VCPIP1: variants seen among roughly 807,000 people sequenced by gnomAD.
VCPIP1 encodes deubiquitinating protein VCPIP1.
A neutral mutation model predicts 85.0 loss-of-function variants in VCPIP1; 8 were observed. That is an observed-to-expected ratio of 0.09 (90% CI 0.06 to 0.17). The LOEUF (loss-of-function observed/expected upper bound fraction) is 0.17, where lower values mean the gene tolerates loss of function less well. VCPIP1 is among the 10% of genes least tolerant of loss of function. The probability of loss-of-function intolerance (pLI) is 1.00; values close to 1 mark genes in which losing one functional copy is unlikely to be tolerated. For missense variants in VCPIP1, 1,070 were observed against 1,486.3 expected (o/e 0.72, Z 4.61); for synonymous variants, 543 against 544.5 (o/e 1.00, Z 0.04).
chr8:66,641,800 C>T (rs988175952), intron 2 of VCPIP1, among the ~76,000 whole-genome samples: 1 of 152,202 alleles, frequency 6.6e-6, no homozygotes, highest in African/African-American at 2.4e-5. Context: ...AATAATATTT[C>T]ACTGTATGGC....
Position 66,667,177 on chromosome 8 carries a change from A to ACCACC in VCPIP1, c.-224_-220dup, listed in dbSNP as rs1486759992. 1.1e-6 allele frequency: 1 copy of ACCACC among 950,092 alleles called. No homozygotes were observed. The highest frequency in any genetic ancestry group is 1.7e-5 in the African/African-American group (1 of 60,562). The allele number at this position is 950,092 out of a possible 1,614,324, so 58.9% of individuals were successfully genotyped here. ...AGCCGTTGCCCCGAACGTAACGGCCACCACCCCACCCCGCACTCACACTCA... is the reference window on the plus strand; with the variant it reads ...AGCCGTTGCCCCGAACGTAACGGCCACCACCCCACCCCACCCCGCACTCACACTCA... On this transcript the variant is annotated 5_prime_UTR_variant, in exon 1 of 3. Transcript: ENST00000310421.
intron 2 of VCPIP1, among the ~76,000 whole-genome samples, chr8:66,645,808 G>C (rs1188209311): frequency 6.6e-6 from 1 of 150,726 alleles, no homozygotes. Flanking sequence ...GTGCGCACCT[G>C]TAGTCCCTGC....
Position 66,664,620 on chromosome 8 carries a change from G to T in VCPIP1, c.2339C>A (p.Thr780Lys). 1 of 1,614,104 alleles carries T rather than the reference G, an allele frequency of 6.2e-7. No individual in the cohort carries two copies. Among genetic ancestry groups the T allele is most frequent in the Non-Finnish European group, 8.5e-7 (1 of 1,179,988 alleles). Residue 780 changes from threonine (T) to lysine (K), a missense_variant, in exon 1 of 3, where the codon ACA becomes AAA. This residue lies in a region of VCPIP1 where 278 missense variants were observed against 298.5 expected (regional missense o/e 0.93). Coordinates refer to ENST00000310421, the MANE Select transcript of VCPIP1 (RefSeq NM_025054.5). The part of the protein sequence containing the change: ...TTSKEKKIRI[T>K]TNDGRQSMVT... ...CATGGACTGTCGTCCATCATTAGTT[G>T]TGATTCGGATCTTCTTCTCCTTAGA...
At position 66,635,381 on chromosome 8, in the gene VCPIP1, G is replaced by C. The variant is rs780127903; in HGVS notation, c.2798-9C>G. ...CTTGCCATCAGCCATACCTAAAAAG[G>C]GGAAAAGATATTTAACATATTAAAA... On this transcript the variant is annotated splice_polypyrimidine_tract_variant and intron_variant, in intron 2 of 2. Transcript: ENST00000310421. 1 of 1,590,296 alleles carries C rather than the reference G, an allele frequency of 6.3e-7. No homozygotes were observed. The highest frequency in any genetic ancestry group is 8.5e-7 in the Non-Finnish European group (1 of 1,170,640).
Position 66,666,498 on chromosome 8 carries a change from T to A in VCPIP1, c.461A>T (p.Gln154Leu). The A allele has an allele frequency of 6.2e-7, 1 of 1,614,204 alleles. No homozygotes were observed. Among genetic ancestry groups the A allele is most frequent in the Non-Finnish European group, 8.5e-7 (1 of 1,180,022 alleles). Residue 154 changes from glutamine to leucine, a missense_variant, in exon 1 of 3, where the codon CAG (glutamine) becomes CTG (leucine). Around this residue, in one of 8 missense-constraint regions of VCPIP1, gnomAD observed 118 missense variants for 337.1 expected, o/e 0.35. Coordinates refer to ENST00000310421, the MANE Select transcript of VCPIP1 (RefSeq NM_025054.5). This position sits in a 1 kb window ranked among gnomAD's most constrained non-coding sequence, Gnocchi z 6.3. ...GRAKLLRDMN[Q>L]GELFDCALLG... is the part of the protein sequence containing the mutation. ...TAAGGCGCAATCGAACAGTTCGCCC[T>A]GGTTCATGTCCCGGAGAAGCTTGGC...
chr8:66,648,965 G>A (rs764090246), intron 2 of VCPIP1, among the ~76,000 whole-genome samples: 1 of 152,058 alleles, frequency 6.6e-6, no homozygotes, highest in Non-Finnish European at 1.5e-5. Context: ...TTCAAGACAA[G>A]CCTAGGCAAC....
chr8:66,635,457 G>C, intron 2 of VCPIP1, 85 bp from the exon 3 acceptor site: 2 of 1,279,342 alleles, frequency 1.6e-6, no homozygotes, highest in Non-Finnish European at 1.0e-6. Context: ...TTAAAATAAT[G>C]AATTTTAAAT....
Position 66,664,981 on chromosome 8 carries a change from G to T in VCPIP1, c.1978C>A (p.Pro660Thr). Residue 660 changes from proline (P) to threonine (T), a missense_variant, in exon 1 of 3, where the codon CCC becomes ACC. This residue lies in a region of VCPIP1 where 278 missense variants were observed against 298.5 expected (regional missense o/e 0.93). Coordinates refer to ENST00000310421, the MANE Select transcript of VCPIP1 (RefSeq NM_025054.5). ...ATATTTACAGGAGTATAATCATCGG[G>T]ATTCTTTTTGGCAGTCTGATGCAAT... ...TILHQTAKKN[P>T]DDYTPVNIDG... 1 of 1,613,414 alleles carries T rather than the reference G, an allele frequency of 6.2e-7. No homozygotes were observed. The highest frequency in any genetic ancestry group is 8.5e-7 in the Non-Finnish European group (1 of 1,179,556).
chr8:66,663,947 T>C (rs1422720646), intron 1 of VCPIP1, among the ~76,000 whole-genome samples: 3 of 152,126 alleles, frequency 2.0e-5, no homozygotes, highest in Non-Finnish European at 4.4e-5. Flanking sequence ...TACCAAAAAA[T>C]TTAAAACGCT....
chr8:66,652,861 A>G (rs1031164756), intron 1 of VCPIP1, among the ~76,000 whole-genome samples: 3 of 152,216 alleles, frequency 2.0e-5, no homozygotes, highest in African/African-American at 7.2e-5. Flanking sequence ...TAATGTATAC[A>G]TACTACTTTT....
chr8:66,655,215 C>T (rs1811088133), intron 1 of VCPIP1, among the ~76,000 whole-genome samples: 1 of 152,180 alleles, frequency 6.6e-6, no homozygotes, highest in Non-Finnish European at 1.5e-5. Flanking sequence ...AGGTCAGTGG[C>T]CTATCTGACT....
chr8:66,666,996 G>A lies in VCPIP1; in HGVS notation c.-38C>T, dbSNP rs779333589. On this transcript the variant is annotated 5_prime_UTR_variant, in exon 1 of 3. Transcript: ENST00000310421. This position sits in a 1 kb window ranked among gnomAD's most constrained non-coding sequence, Gnocchi z 6.3. ...TCGTGTCTCGCTCCGCGTCCCAGGC[G>A]ACCCTCAAAAGCTCATAGCCCAGAC... 4.7e-6 allele frequency: 7 copies of A among 1,483,344 alleles called. No individual in the cohort carries two copies. The East Asian group carries it at 1.7e-4, about 36-fold the overall frequency. The allele number at this position is 1,483,344 out of a possible 1,614,324, so 91.9% of individuals were successfully genotyped here. A position where few individuals can be genotyped will look rare whatever the true frequency, so the allele number is the denominator to read the frequency against.
At chr8:66,659,915 T>C (rs1187379134) in intron 1 of VCPIP1, among the ~76,000 whole-genome samples, 2 of 151,332 alleles carry the variant, frequency 1.3e-5, no homozygotes, top group Non-Finnish European at 2.9e-5. Flanking sequence ...ACAATCTGTC[T>C]CCAGAAAAAA....
In VCPIP1 at chr8:66,631,018, T is replaced by A. The variant is rs1274948132; in HGVS notation, c.*3483A>T. 1 of 152,182 alleles carries A rather than the reference T, an allele frequency of 6.6e-6. No individual in the cohort carries two copies. Among genetic ancestry groups the A allele is most frequent in the Non-Finnish European group, 1.5e-5 (1 of 67,976 alleles). The allele number at this position is 152,182 out of a possible 1,614,324, so 9.4% of individuals were successfully genotyped here. A position where few individuals can be genotyped will look rare whatever the true frequency, so the allele number is the denominator to read the frequency against. ...GATAACCTTGAATGGTAGGATGCAT[T>A]TACTCAACTTAGAATATGGCGCTAT... On this transcript the variant is annotated 3_prime_UTR_variant, in exon 3 of 3. Transcript: ENST00000310421.
In VCPIP1 at chr8:66,664,178, A is replaced by G. The variant is rs1052277261; in HGVS notation, c.2710+71T>C. On this transcript the variant is annotated intron_variant, in intron 1 of 2. Coordinates refer to ENST00000310421, the MANE Select transcript of VCPIP1 (RefSeq NM_025054.5). Reference sequence around the variant, plus strand: ...AATGGCTACAGATTTCTTTTCCCCCAAAGATAACAGGAAAACTCAGTGTAT... The same window carrying G: ...AATGGCTACAGATTTCTTTTCCCCCGAAGATAACAGGAAAACTCAGTGTAT... 2.1e-6 allele frequency: 3 copies of G among 1,425,552 alleles called. No individual in the cohort carries two copies. The African/African-American group carries it at 4.3e-5, about 20-fold the overall frequency. 88.3% of individuals were successfully genotyped at this position (1,425,552 alleles called of 1,614,324 possible). A position where few individuals can be genotyped will look rare whatever the true frequency, so the allele number is the denominator to read the frequency against.
At chr8:66,647,310 C>G (rs1383960655) in intron 2 of VCPIP1, among the ~76,000 whole-genome samples, 1 of 152,136 alleles carries the variant, frequency 6.6e-6, no homozygotes, top group South Asian at 2.1e-4. Flanking sequence ...CACTGCACTC[C>G]AGCCTGGGCA....
chr8:66,645,326 G>A (rs948386301), intron 2 of VCPIP1, among the ~76,000 whole-genome samples: 3 of 152,100 alleles, frequency 2.0e-5, no homozygotes, highest in African/African-American at 7.2e-5. Flanking sequence ...GCTGAGACAG[G>A]AGAATCGCTT....
chr8:66,651,185 CAAAA>C (rs896750189), intron 2 of VCPIP1, among the ~76,000 whole-genome samples: 2 of 51,146 alleles, frequency 3.9e-5, no homozygotes, highest in Admixed American at 2.2e-4. Flanking sequence ...AATTCCATCT[CAAAA>C]AAAAAAAAAA....
chr8:66,652,012 A>G, intron 1 of VCPIP1, among the ~76,000 whole-genome samples: 1 of 144,792 alleles, frequency 6.9e-6, no homozygotes, highest in Non-Finnish European at 1.5e-5. Context: ...TATCTCTACA[A>G]AAAAAAAAAA....
Sources: allele counts gnomAD v4.1 joint callset (sites outside exome capture counted in the v4.1 genomes callset), GRCh38; gene constraint gnomAD v4.1.1; regional missense constraint gnomAD v4.1.1; non-coding constraint Gnocchi (gnomAD v3.1); transcripts MANE v1.5; gene names NCBI Gene and HGNC (gene_info 2026-07-23, HGNC 2026-07-21).